Variants in IPO9 observed in about 807,000 individuals in gnomAD.
IPO9 encodes importin-9.
Under a neutral mutation model 128.6 loss-of-function variants are expected in IPO9, and 28 were observed. That is an observed-to-expected ratio of 0.22 (90% CI 0.16 to 0.30). The LOEUF (loss-of-function observed/expected upper bound fraction) is 0.30, where lower values mean the gene tolerates loss of function less well. IPO9 is among the 10% of genes least tolerant of loss of function. IPO9 has a pLI of 1.00. For missense variants in IPO9, 935 were observed against 1,293.9 expected, an observed-to-expected ratio of 0.72 and a Z score of 4.26; for synonymous variants, 455 against 475.8, an observed-to-expected ratio of 0.96 and a Z score of 0.57.
intron 4 of IPO9, among the ~76,000 whole-genome samples, chr1:201,848,822 G>A (rs1680166527): frequency 6.6e-6 from 1 of 152,258 alleles, no homozygotes; most frequent in South Asian, 2.1e-4. Context: ...TACAGATACA[G>A]TATTAGCATA....
chr1:201,875,306 A>G, intron 23 of IPO9, 78 bp downstream of exon 23: 1 of 1,267,954 alleles, frequency 7.9e-7, no homozygotes, highest in African/African-American at 1.5e-5. Context: ...AAATCCATTT[A>G]TAGCCAGGCA....
At chr1:201,855,967 G>A in intron 10 of IPO9, 33 bp downstream of exon 10, 1 of 1,529,850 alleles carries the variant, frequency 6.5e-7, no homozygotes, top group Non-Finnish European at 8.8e-7. Context: ...TTACCATCTT[G>A]TATTTGGAAA....
intron 1 of IPO9, among the ~76,000 whole-genome samples, chr1:201,840,626 A>G (rs1680018640): frequency 6.6e-6 from 1 of 152,212 alleles, no homozygotes; most frequent in African/African-American, 2.4e-5. Context: ...AAAATATTAG[A>G]AAAAAACTAA....
At chr1:201,855,423 T>C (rs1680313386) in intron 9 of IPO9, among the ~76,000 whole-genome samples, 1 of 152,234 alleles carries the variant, frequency 6.6e-6, no homozygotes, top group Admixed American at 6.5e-5. Context: ...AGAGATACTT[T>C]TAAGGCCATT....
intron 12 of IPO9, 43 bp downstream of exon 12, chr1:201,858,596 C>T: frequency 8.6e-7 from 1 of 1,164,382 alleles, no homozygotes; most frequent in South Asian, 1.7e-5. Flanking sequence ...TTTGTTTACC[C>T]CTTCTTAAAA....
At chr1:201,861,318 T>A (rs114974961) in intron 13 of IPO9, among the ~76,000 whole-genome samples, 2,084 of 152,346 alleles carry the variant, frequency 0.014, 43 homozygotes, top group African/African-American at 0.045. Flanking sequence ...TGATTTTTCA[T>A]CTTTACAGTG....
Position 201,874,920 on chromosome 1 carries a change from T to C in IPO9, c.2922T>C (p.Leu974=). 1 of 1,610,690 alleles carries C rather than the reference T, an allele frequency of 6.2e-7. No homozygotes were observed. Among genetic ancestry groups the C allele is most frequent in the South Asian group, 1.1e-5 (1 of 91,010 alleles). Residue 974 remains leucine, a synonymous_variant, in exon 22 of 24, where the codon CTT becomes CTC. Transcript: ENST00000361565. ...GLAGQLLSDI[L]ATSKYEEDYY... is the part of the protein sequence containing the mutation. ...CTGGCCAACTTTTATCTGACATTCT[T>C]GCTACAAGTAAATATGGTAAGCTGT...
At position 201,882,027 on chromosome 1, in the gene IPO9, G is replaced by T. The variant is rs2102896766; in HGVS notation, c.*5973G>T. 6.6e-6 allele frequency: 1 copy of T among 152,328 alleles called. No individual in the cohort carries two copies. The highest frequency in any genetic ancestry group is 3.4e-3 in the Middle Eastern group (1 of 294). The allele number at this position is 152,328 out of a possible 1,614,324, so 9.4% of individuals were successfully genotyped here. ...TGCTCGATCAGAGGCTAGACCTTTA[G>T]TTAGCAGTCACGGGAAAATTCCCCA... On this transcript the variant is annotated 3_prime_UTR_variant, in exon 24 of 24. Coordinates refer to ENST00000361565, the MANE Select transcript of IPO9 (RefSeq NM_018085.5).
intron 19 of IPO9, among the ~76,000 whole-genome samples, chr1:201,871,895 A>G (rs748900815): frequency 1.3e-5 from 2 of 152,156 alleles, no homozygotes; most frequent in African/African-American, 4.8e-5. Context: ...TCTCTACCAC[A>G]GACTTCACAC....
rs151321512 is a variant in IPO9 at position 201,852,970 on chromosome 1, A to G, written c.604-41A>G. 1,212 of 1,492,220 alleles carry G rather than the reference A, an allele frequency of 8.1e-4. 10 individuals are homozygous for G. In the African/African-American group the frequency reaches 0.015, roughly 19 times the overall value. 92.4% of individuals were successfully genotyped at this position (1,492,220 alleles called of 1,614,324 possible). On this transcript the variant is annotated intron_variant, in intron 5 of 23. Coordinates refer to ENST00000361565, the MANE Select transcript of IPO9 (RefSeq NM_018085.5). Reference sequence around the variant, plus strand: ...AGATACACACATACCTACACACTCCAGTCTCGTGGCTATGCTGTTATGCTG... The same window carrying G: ...AGATACACACATACCTACACACTCCGGTCTCGTGGCTATGCTGTTATGCTG...
rs1363909474 is a variant in IPO9, at chr1:201,876,100, C to T, written c.*46C>T. 1 of 1,291,774 alleles carries T rather than the reference C, an allele frequency of 7.7e-7. No individual in the cohort carries two copies. The highest frequency in any genetic ancestry group is 1.1e-6 in the Non-Finnish European group (1 of 885,950). The allele number at this position is 1,291,774 out of a possible 1,614,324, so 80.0% of individuals were successfully genotyped here. A position where few individuals can be genotyped will look rare whatever the true frequency, so the allele number is the denominator to read the frequency against. On this transcript the variant is annotated 3_prime_UTR_variant, in exon 24 of 24. Transcript: ENST00000361565. The stretch of plus-strand genomic sequence containing the variant: ...TTGCTCCTTCTGGGCCAGCCGCAAA[C>T]CATTTTGCAGCCCTCACTGGCCTTG...
intron 1 of IPO9, among the ~76,000 whole-genome samples, chr1:201,830,731 A>C (rs1679818251): frequency 6.6e-6 from 1 of 152,244 alleles, no homozygotes. Flanking sequence ...ACCTCATCAC[A>C]TTCAAGTTGT....
chr1:201,836,896 T>C (rs1263400200), intron 1 of IPO9, among the ~76,000 whole-genome samples: 1 of 152,246 alleles, frequency 6.6e-6, no homozygotes, highest in Non-Finnish European at 1.5e-5. Context: ...ATCTATTTTA[T>C]TTTAAAATTT....
chr1:201,848,353 T>C (rs1680156969), intron 3 of IPO9, 40 bp from the exon 4 acceptor site: 5 of 1,560,820 alleles, frequency 3.2e-6, no homozygotes, highest in African/African-American at 2.7e-5. Context: ...CAGTCACTTT[T>C]AACCTGATCT....
intron 16 of IPO9, among the ~76,000 whole-genome samples, chr1:201,869,288 G>C (rs1215111493): frequency 6.6e-6 from 1 of 152,128 alleles, no homozygotes; most frequent in Non-Finnish European, 1.5e-5. Flanking sequence ...TCTTGTTCCA[G>C]AGGTACCCTC....
chr1:201,868,493 G>T (rs1680594939), intron 15 of IPO9, among the ~76,000 whole-genome samples, 155 bp from the exon 16 acceptor site: 1 of 152,114 alleles, frequency 6.6e-6, no homozygotes, highest in Non-Finnish European at 1.5e-5. Flanking sequence ...GTTCTTTCAG[G>T]TTATTCATGT....
At chr1:201,861,627 A>G (rs1324276641) in intron 13 of IPO9, among the ~76,000 whole-genome samples, 2 of 152,166 alleles carry the variant, frequency 1.3e-5, no homozygotes, top group African/African-American at 4.8e-5. Flanking sequence ...TAAGCAGAGG[A>G]GCATCTGTAT....
At chr1:201,834,348 T>C (rs1199570844) in intron 1 of IPO9, among the ~76,000 whole-genome samples, 2 of 152,172 alleles carry the variant, frequency 1.3e-5, no homozygotes, top group East Asian at 3.8e-4. Flanking sequence ...GAAGATCTCT[T>C]ACGTCAAAGT....
rs746040204 is a variant in IPO9, at chr1:201,875,248, T to G, written c.3015+20T>G. On this transcript the variant is annotated intron_variant, in intron 23 of 23. Coordinates refer to ENST00000361565, the MANE Select transcript of IPO9 (RefSeq NM_018085.5). ...CTGCAGGTGAGGGTGTCCAGAGATATCTTGCAAATGACAATGTCCCAGGCC... is the reference window on the plus strand; with the variant it reads ...CTGCAGGTGAGGGTGTCCAGAGATAGCTTGCAAATGACAATGTCCCAGGCC... The G allele has an allele frequency of 6.2e-7, 1 of 1,601,666 alleles. No individual in the cohort carries two copies. The highest frequency in any genetic ancestry group is 1.7e-5 in the Admixed American group (1 of 60,004).
Sources: gnomAD v4.1 joint callset for allele counts (sites outside exome capture counted in the v4.1 genomes callset) on GRCh38, gnomAD v4.1.1 for gene constraint, MANE v1.5 for transcripts, NCBI Gene and HGNC (gene_info 2026-07-23, HGNC 2026-07-21) for gene names.